ARHGAP8: variants seen among roughly 807,000 people sequenced by gnomAD.
The protein encoded by ARHGAP8 is rho GTPase-activating protein 8.
A neutral mutation model predicts 46.1 loss-of-function variants in ARHGAP8; 62 were observed. The observed-to-expected ratio is 1.34, with a 90% CI of 1.10 to 1.66. The LOEUF (loss-of-function observed/expected upper bound fraction) is 1.66, where lower values mean the gene tolerates loss of function less well. Ranked by LOEUF, ARHGAP8 falls within the 40% of genes most tolerant of loss-of-function variation. The probability of loss-of-function intolerance (pLI) is 0.00; values close to 1 mark genes in which losing one functional copy is unlikely to be tolerated. For synonymous variants in ARHGAP8, 375 were observed against 243.1 expected, an observed-to-expected ratio of 1.54 and a Z score of -5.05; for missense variants, 923 against 568.4, an observed-to-expected ratio of 1.62 and a Z score of -6.34.
At position 44,790,283 on chromosome 22, in the gene ARHGAP8, C is replaced by T. The variant is rs192031998; in HGVS notation, c.79+3677C>T. ...TTTGAGAGATGTTTTTAAAAACGTC[C>T]AGCTGGTGGCCTAGCTGAAACCAAA... On this transcript the variant is annotated intron_variant, in intron 2 of 11. Coordinates refer to ENST00000356099, the MANE Select transcript of ARHGAP8 (RefSeq NM_181335.3). Among the ~76,000 whole-genome samples, 5 of 152,068 alleles carry T rather than the reference C, an allele frequency of 3.3e-5. No individual in the cohort carries two copies. In the East Asian group the frequency reaches 7.8e-4, roughly 24 times the overall value.
intron 1 of ARHGAP8, among the ~76,000 whole-genome samples, chr22:44,770,958 A>G (rs147370422): frequency 6.6e-6 from 1 of 152,372 alleles, no homozygotes; most frequent in East Asian, 1.9e-4. Context: ...GGAATGGCCA[A>G]AGGCAGTTTG....
intron 8 of ARHGAP8, 50 bp downstream of exon 8, chr22:44,845,392 CCT>C: frequency 1.2e-6 from 2 of 1,611,842 alleles, no homozygotes; most frequent in Non-Finnish European, 1.7e-6. Context: ...GCTGGGTGCA[CCT>C]CTCTGGGTGG....
At position 44,859,827 on chromosome 22, in the gene ARHGAP8, T is replaced by C; in HGVS notation, c.974T>C (p.Leu325Pro). 2 of 1,613,684 alleles carry C rather than the reference T, an allele frequency of 1.2e-6. No homozygotes were observed. Among genetic ancestry groups the C allele is most frequent in the East Asian group, 2.2e-5 (1 of 44,880 alleles). ...GTCCTCCGCTACCTCATGGGCTTCC[T>C]GCATGCGGTGAGTGGGGAAGGGGGG... ...YVVLRYLMGF[L>P]HAVSRESIFN... The change falls in exon 11 of 12, where the codon CTG (leucine) becomes CCG (proline). Residue 325 changes from leucine (L) to proline (P), a missense_variant. Physicochemically the swap from Leu to Pro is moderately conservative, Grantham distance 98. Coordinates refer to ENST00000356099, the MANE Select transcript of ARHGAP8 (RefSeq NM_181335.3).
In ARHGAP8 at chr22:44,844,951, C is replaced by A. The variant is rs575060298; in HGVS notation, c.597-318C>A. On this transcript the variant is annotated intron_variant, in intron 7 of 11. Transcript: ENST00000356099. ...TTCCCTGTCTAGAATGCCCTTCTCT[C>A]TTTTGTCCTCTGGCAGGCTCCTACT... Among the ~76,000 whole-genome samples the A allele has an allele frequency of 4.4e-4, 67 of 152,312 alleles. 1 individual carries two copies. In the South Asian group the frequency reaches 0.014, roughly 32 times the overall value.
At chr22:44,821,259 G>C (rs987442140) in intron 5 of ARHGAP8, among the ~76,000 whole-genome samples, 1 of 151,844 alleles carries the variant, frequency 6.6e-6, no homozygotes, top group Non-Finnish European at 1.5e-5. Context: ...TTGAAACCCC[G>C]TCTCTACTAA....
chr22:44,769,600 T>C (rs115324297), intron 1 of ARHGAP8, among the ~76,000 whole-genome samples: 150 of 152,336 alleles, frequency 9.8e-4, no homozygotes, highest in Middle Eastern at 3.4e-3. Flanking sequence ...GTGATATATT[T>C]CCCTGTATAC....
chr22:44,849,464 G>T, intron 10 of ARHGAP8: 1 of 243,190 alleles, frequency 4.1e-6, no homozygotes, highest in Non-Finnish European at 8.1e-6. Context: ...ATTGTAGGAT[G>T]CCAAGCATAT....
At chr22:44,778,577 C>T (rs1184556847) in intron 1 of ARHGAP8, among the ~76,000 whole-genome samples, 2 of 152,136 alleles carry the variant, frequency 1.3e-5, no homozygotes, top group East Asian at 3.9e-4. Context: ...GGTAGTTCTA[C>T]GTTTAGTTCT....
intron 5 of ARHGAP8, among the ~76,000 whole-genome samples, chr22:44,818,896 G>A (rs1048884228): frequency 3.3e-5 from 5 of 152,046 alleles, no homozygotes; most frequent in East Asian, 1.9e-4. Flanking sequence ...ACAGGGTCTC[G>A]CTATGTTGCC....
chr22:44,818,450 C>CAAAAAAA (rs749292883), intron 5 of ARHGAP8, among the ~76,000 whole-genome samples: 1 of 125,428 alleles, frequency 8.0e-6, no homozygotes, highest in African/African-American at 3.6e-5. Context: ...ACTCCAGTCT[C>CAAAAAAA]AAAAAAAAAA....
intron 11 of ARHGAP8, among the ~76,000 whole-genome samples, chr22:44,861,233 A>C (rs568049223): frequency 6.6e-6 from 1 of 152,262 alleles, no homozygotes; most frequent in East Asian, 1.9e-4. Context: ...CGGCCTCTTA[A>C]GAGTGCTGGG....
intron 10 of ARHGAP8, among the ~76,000 whole-genome samples, chr22:44,852,842 A>ACT (rs2070130658): frequency 6.6e-6 from 1 of 152,032 alleles, no homozygotes; most frequent in Non-Finnish European, 1.5e-5. Flanking sequence ...TCTCACTCTC[A>ACT]CTCAGGCTGG....
chr22:44,812,722 C>G (rs528902879), intron 4 of ARHGAP8, among the ~76,000 whole-genome samples: 1 of 152,032 alleles, frequency 6.6e-6, no homozygotes, highest in Non-Finnish European at 1.5e-5. Flanking sequence ...TATAAATATC[C>G]TGCTCCTTGT....
intron 1 of ARHGAP8, among the ~76,000 whole-genome samples, chr22:44,761,812 T>C (rs938957167): frequency 7.2e-5 from 11 of 152,124 alleles, no homozygotes; most frequent in Non-Finnish European, 1.0e-4. Context: ...CTGGGGAGGC[T>C]TCACAATCAT....
intron 10 of ARHGAP8, among the ~76,000 whole-genome samples, chr22:44,859,429 G>A (rs2070355165): frequency 6.6e-6 from 1 of 152,180 alleles, no homozygotes; most frequent in African/African-American, 2.4e-5. Flanking sequence ...ATAATTGGAA[G>A]CCTCCTGAGG....
chr22:44,779,260 C>T (rs1569140395), intron 1 of ARHGAP8, among the ~76,000 whole-genome samples: 2 of 152,058 alleles, frequency 1.3e-5, no homozygotes, highest in Non-Finnish European at 1.5e-5. Flanking sequence ...CCATCCACGC[C>T]TGGCTAATTT....
intron 2 of ARHGAP8, among the ~76,000 whole-genome samples, chr22:44,797,406 C>T (rs746786398): frequency 3.3e-5 from 5 of 152,038 alleles, no homozygotes; most frequent in Non-Finnish European, 5.9e-5. Context: ...CTGGCCTCCG[C>T]GGTGGTAGAC....
rs34697504 is a variant in ARHGAP8, at chr22:44,787,940, TCC to T, written c.79+1339_79+1340del. Among the ~76,000 whole-genome samples, 547 of 118,106 alleles carry T rather than the reference TCC, an allele frequency of 4.6e-3. 4 individuals are homozygous for T. Among genetic ancestry groups the T allele is most frequent in the African/African-American group, 0.013 (424 of 31,580 alleles). 77.5% of individuals were successfully genotyped at this position (118,106 alleles called of 152,430 possible). A position where few individuals can be genotyped will look rare whatever the true frequency, so the allele number is the denominator to read the frequency against. ...TGTCCTTTTTTTTTTTTTTTTTTTT[TCC>T]CCCCAAATGTCCTTTTAAGAAAACT... On this transcript the variant is annotated intron_variant, in intron 2 of 11. Transcript: ENST00000356099.
Position 44,849,055 on chromosome 22 carries a change from T to C in ARHGAP8, c.872T>C (p.Ile291Thr). Reference protein sequence around the residue: ...TFQAYEQILGITCVESSLRVT... With the variant: ...TFQAYEQILGTTCVESSLRVT... ...CAGGCCTACGAGCAGATTCTCGGGATCACCTGTGCGTAGCTGCCCTGGCGC... is the reference window on the plus strand; with the variant it reads ...CAGGCCTACGAGCAGATTCTCGGGACCACCTGTGCGTAGCTGCCCTGGCGC... Residue 291 changes from isoleucine (I) to threonine (T), a missense_variant, in exon 10 of 12, where the codon ATC becomes ACC. Coordinates refer to ENST00000356099, the MANE Select transcript of ARHGAP8 (RefSeq NM_181335.3). The C allele has an allele frequency of 6.2e-7, 1 of 1,613,832 alleles. No homozygotes were observed. Among genetic ancestry groups the C allele is most frequent in the South Asian group, 1.1e-5 (1 of 91,070 alleles).
Sources: gnomAD v4.1 joint callset for allele counts (sites outside exome capture counted in the v4.1 genomes callset) on GRCh38, gnomAD v4.1.1 for gene constraint, MANE v1.5 for transcripts, NCBI Gene and HGNC (gene_info 2026-07-23, HGNC 2026-07-21) for gene names.